PACS1: variants seen among roughly 807,000 people sequenced by gnomAD.
PACS1 encodes PACS-1.
Under a neutral mutation model 115.0 loss-of-function variants are expected in PACS1, and 24 were observed. That is an observed-to-expected ratio of 0.21 (90% CI 0.15 to 0.29). The LOEUF is 0.29. Among genes scored for constraint, PACS1 ranks in the 10% least tolerant of loss-of-function variants. The probability of loss-of-function intolerance (pLI) is 1.00; values close to 1 mark genes in which losing one functional copy is unlikely to be tolerated. For synonymous variants in PACS1, 453 were observed against 504.5 expected, an observed-to-expected ratio of 0.90 and a Z score of 1.37; for missense variants, 838 against 1,251.2, an observed-to-expected ratio of 0.67 and a Z score of 4.98.
intron 16 of PACS1, 75 bp from the exon 17 acceptor site, chr11:66,234,057 C>T (rs1014080459): frequency 1.5e-5 from 23 of 1,530,668 alleles, no homozygotes; most frequent in Non-Finnish European, 1.8e-5. Flanking sequence ...AGACCAAGGC[C>T]GTGGCCAGGG....
At chr11:66,135,172 C>T (rs1333564110) in intron 1 of PACS1, among the ~76,000 whole-genome samples, 1 of 151,998 alleles carries the variant, frequency 6.6e-6, no homozygotes, top group Non-Finnish European at 1.5e-5. Flanking sequence ...TGCACTCCAG[C>T]CTGGGCAATA....
intron 2 of PACS1, among the ~76,000 whole-genome samples, chr11:66,209,149 A>G (rs74418312): frequency 0.036 from 5,470 of 151,114 alleles, 320 homozygotes; most frequent in East Asian, 0.17. Context: ...AGTTCCTGGG[A>G]AAAAAAAATT....
intron 1 of PACS1, among the ~76,000 whole-genome samples, chr11:66,155,188 T>G (rs1418732710): frequency 1.3e-5 from 2 of 152,212 alleles, no homozygotes; most frequent in Non-Finnish European, 2.9e-5. Flanking sequence ...GGAAAAATTA[T>G]AGGGGAAAAC....
At chr11:66,238,392 G>C (rs1193198056) in intron 19 of PACS1, 1 of 972,592 alleles carries the variant, frequency 1.0e-6, no homozygotes, top group Non-Finnish European at 1.2e-6. Context: ...GCAAAGTCTC[G>C]CATGCCCCAT....
chr11:66,155,335 A>G (rs1440822954), intron 1 of PACS1, among the ~76,000 whole-genome samples: 1 of 152,246 alleles, frequency 6.6e-6, no homozygotes, highest in Non-Finnish European at 1.5e-5. Context: ...GAAAATGTAC[A>G]ATATGGGATA....
chr11:66,088,787 TG>T (rs974112945), intron 1 of PACS1, among the ~76,000 whole-genome samples: 10 of 152,200 alleles, frequency 6.6e-5, no homozygotes, highest in Admixed American at 6.5e-4. Flanking sequence ...AAACTTCTCT[TG>T]GGGGAGAAAT....
At chr11:66,114,038 C>T (rs1470838104) in intron 1 of PACS1, among the ~76,000 whole-genome samples, 2 of 152,088 alleles carry the variant, frequency 1.3e-5, no homozygotes, top group African/African-American at 4.8e-5. Flanking sequence ...TAAGCATTGA[C>T]ATAGGACATG....
chr11:66,071,946 A>G (rs1027652192), intron 1 of PACS1, among the ~76,000 whole-genome samples: 4 of 152,200 alleles, frequency 2.6e-5, no homozygotes, highest in African/African-American at 9.7e-5. Flanking sequence ...AGCTTAAGGA[A>G]CAGAGCATTA....
intron 7 of PACS1, 23 bp from the exon 8 acceptor site, chr11:66,219,723 T>G: frequency 2.5e-6 from 4 of 1,603,312 alleles, no homozygotes; most frequent in Non-Finnish European, 3.4e-6. Flanking sequence ...TGCTGAGAAC[T>G]GTCATGCGAT....
intron 13 of PACS1, among the ~76,000 whole-genome samples, chr11:66,231,600 G>T (rs1243269239): frequency 6.6e-6 from 1 of 152,186 alleles, no homozygotes; most frequent in Admixed American, 6.5e-5. Flanking sequence ...TGCATTGTCA[G>T]TGTGGCCTCC....
chr11:66,219,710 C>A, intron 7 of PACS1, 36 bp from the exon 8 acceptor site: 1 of 1,553,632 alleles, frequency 6.4e-7, no homozygotes, highest in Non-Finnish European at 8.9e-7. Flanking sequence ...CCCAAGTGGA[C>A]GTTGCTGAGA....
chr11:66,114,255 A>G (rs986736723), intron 1 of PACS1, among the ~76,000 whole-genome samples: 2 of 152,074 alleles, frequency 1.3e-5, no homozygotes, highest in Admixed American at 6.6e-5. Context: ...CGTCTCTACT[A>G]AAAATACAAA....
At chr11:66,133,853 T>TC (rs1463259680) in intron 1 of PACS1, among the ~76,000 whole-genome samples, 4 of 152,276 alleles carry the variant, frequency 2.6e-5, no homozygotes, top group Admixed American at 1.3e-4. Flanking sequence ...TTCTTTTTTT[T>TC]CCCATCACAA....
intron 1 of PACS1, among the ~76,000 whole-genome samples, chr11:66,112,178 G>C (rs1478070984): frequency 6.6e-6 from 1 of 152,148 alleles, no homozygotes; most frequent in Non-Finnish European, 1.5e-5. Flanking sequence ...GCACTCACCT[G>C]CCTAATCCCC....
At chr11:66,209,148 GA>G (rs369895287) in intron 2 of PACS1, among the ~76,000 whole-genome samples, 1 of 150,884 alleles carries the variant, frequency 6.6e-6, no homozygotes, top group African/African-American at 2.4e-5. Flanking sequence ...AAGTTCCTGG[GA>G]AAAAAAAATT....
intron 1 of PACS1, among the ~76,000 whole-genome samples, chr11:66,160,265 C>T (rs1859456916): frequency 6.6e-6 from 1 of 152,074 alleles, no homozygotes; most frequent in South Asian, 2.1e-4. Context: ...AGCTGCGTGA[C>T]CTCAGGTAAA....
intron 1 of PACS1, among the ~76,000 whole-genome samples, chr11:66,072,480 C>G (rs985412205): frequency 6.6e-6 from 1 of 152,096 alleles, no homozygotes; most frequent in Admixed American, 6.5e-5. Flanking sequence ...CCACAGGCTG[C>G]TTCCACTCTG....
intron 11 of PACS1, among the ~76,000 whole-genome samples, chr11:66,229,211 C>CAA (rs386374029): frequency 0.39 from 24,509 of 62,972 alleles, 3,884 homozygotes; most frequent in Non-Finnish European, 0.45. Context: ...CCCGTCTCTA[C>CAA]AAAAAAAAAA....
At chr11:66,242,186 A>G (rs561282779) in intron 22 of PACS1, among the ~76,000 whole-genome samples, 1 of 152,264 alleles carries the variant, frequency 6.6e-6, no homozygotes, top group South Asian at 2.1e-4. Flanking sequence ...CGTGGGAGTG[A>G]GGCAGGAACC....
Sources: allele counts gnomAD v4.1 joint callset (sites outside exome capture counted in the v4.1 genomes callset), GRCh38; gene constraint gnomAD v4.1.1; transcripts MANE v1.5; gene names NCBI Gene and HGNC (gene_info 2026-07-23, HGNC 2026-07-21).